TNIP1: variants seen among roughly 807,000 people sequenced by gnomAD.
TNIP1 encodes the protein TNFAIP3-interacting protein 1.
In TNIP1, 22 loss-of-function variants were observed where a neutral mutation model predicts 86.6. The observed-to-expected ratio is 0.25, with a 90% CI of 0.18 to 0.36. TNIP1 has a LOEUF of 0.36. Ranked by LOEUF, TNIP1 falls within the 10% of genes least tolerant of loss-of-function variation. The pLI, the probability that TNIP1 is intolerant of heterozygous loss-of-function variation, is 1.00. For missense variants in TNIP1, 709 were observed against 820.6 expected (o/e 0.86, Z 1.66); for synonymous variants, 294 against 313.0 (o/e 0.94, Z 0.64).
rs758513472 is a variant in TNIP1 at position 151,045,884 on chromosome 5, T to C, written c.913A>G (p.Met305Val). The stretch of plus-strand genomic sequence containing the variant: ...ACCTCACTGCGCTGCTGCTCCAGCA[T>C]CTTCACCTTCTTCTCGGCTGCGCCC... ...ALGAAEKKVK[M>V]LEQQRSELLE... The change falls in exon 9 of 18, where the codon ATG (methionine) becomes GTG (valine). Residue 305 changes from methionine (M) to valine (V), a missense_variant. Met to Val is a conservative substitution (Grantham distance 21, BLOSUM62 1). Transcript: ENST00000521591. 1 of 1,614,074 alleles carries C rather than the reference T, an allele frequency of 6.2e-7. No individual in the cohort carries two copies. The highest frequency in any genetic ancestry group is 8.5e-7 in the Non-Finnish European group (1 of 1,180,000).
intron 7 of TNIP1, among the ~76,000 whole-genome samples, chr5:151,051,620 C>T (rs1399656435): frequency 6.6e-6 from 1 of 152,202 alleles, no homozygotes; most frequent in East Asian, 1.9e-4. Context: ...GTGCCTACCT[C>T]GTTCATAATC....
rs375735779 is a variant in TNIP1 at position 151,032,388 on chromosome 5, G to A, written c.1780-5C>T. The stretch of plus-strand genomic sequence containing the variant: ...TAGACGCCAGGTGTATTCCGGCTGC[G>A]ACAAAACTGGTGCTTAATAATCAAT... On this transcript the variant is annotated splice_region_variant and splice_polypyrimidine_tract_variant and intron_variant, in intron 16 of 17. Transcript: ENST00000521591. 1.5e-5 allele frequency: 24 copies of A among 1,613,680 alleles called. No individual in the cohort carries two copies. The highest frequency in any genetic ancestry group is 4.0e-5 in the African/African-American group (3 of 74,908).
At chr5:151,069,707 G>C (rs376276685) in intron 1 of TNIP1, among the ~76,000 whole-genome samples, 5 of 152,310 alleles carry the variant, frequency 3.3e-5, no homozygotes, top group South Asian at 2.1e-4. Flanking sequence ...GCTGGCAGAG[G>C]GGGTATAGGG....
chr5:151,052,002 C>T (rs1259789335), intron 7 of TNIP1, among the ~76,000 whole-genome samples, 163 bp downstream of exon 7: 1 of 152,154 alleles, frequency 6.6e-6, no homozygotes, highest in Non-Finnish European at 1.5e-5. Flanking sequence ...AGAGAAAATA[C>T]CAAAAGAGCC....
intron 1 of TNIP1, among the ~76,000 whole-genome samples, chr5:151,071,116 C>G (rs546108722): frequency 2.8e-4 from 42 of 152,240 alleles, no homozygotes; most frequent in Admixed American, 1.8e-3. Flanking sequence ...AAAATAAGGT[C>G]TTTAATTTAA....
At chr5:151,085,635 C>T (rs1310006406), upstream of TNIP1, among the ~76,000 whole-genome samples, 1 of 152,206 alleles carries the variant, frequency 6.6e-6, no homozygotes, top group African/African-American at 2.4e-5. Context: ...CATACGTGGC[C>T]TAGCCAGGCC....
intron 8 of TNIP1, among the ~76,000 whole-genome samples, chr5:151,046,548 T>C (rs1243987629): frequency 1.3e-5 from 2 of 152,188 alleles, no homozygotes; most frequent in Non-Finnish European, 2.9e-5. Context: ...TCAGTTGGTT[T>C]CTAAATACCA....
chr5:151,044,179 G>A (rs924041920), intron 9 of TNIP1, among the ~76,000 whole-genome samples: 22 of 151,906 alleles, frequency 1.4e-4, no homozygotes, highest in African/African-American at 2.4e-4. Context: ...CCAAGTAGCC[G>A]AGACTACAGG....
At chr5:151,054,058 G>C (rs1760328582) in intron 6 of TNIP1, among the ~76,000 whole-genome samples, 1 of 152,194 alleles carries the variant, frequency 6.6e-6, no homozygotes, top group Non-Finnish European at 1.5e-5. Context: ...CAACAAAAGA[G>C]GTGTAGAAGG....
chr5:151,036,722 C>A, intron 13 of TNIP1, 68 bp downstream of exon 13: 1 of 1,610,494 alleles, frequency 6.2e-7, no homozygotes. Context: ...TCCAAGCCGT[C>A]TGGGCCCTCA....
intron 6 of TNIP1, among the ~76,000 whole-genome samples, chr5:151,053,218 T>TC (rs1290091930): frequency 5.5e-5 from 8 of 145,110 alleles, no homozygotes; most frequent in African/African-American, 2.0e-4. Context: ...CAAGAGATTC[T>TC]CCTGCCTCAG....
In TNIP1 at chr5:151,036,778, C is replaced by A. The variant is rs763305560; in HGVS notation, c.1395+12G>T. The A allele has an allele frequency of 1.9e-6, 3 of 1,613,912 alleles. No homozygotes were observed. Among genetic ancestry groups the A allele is most frequent in the Non-Finnish European group, 2.5e-6 (3 of 1,179,838 alleles). On this transcript the variant is annotated intron_variant, in intron 13 of 17. Coordinates refer to ENST00000521591, the MANE Select transcript of TNIP1 (RefSeq NM_006058.5). ...GAGCACCTCCCACCTGATTTCCTCC[C>A]GGAAGCCTCACCTGCTGTTTCAGCA...
In TNIP1 at chr5:151,056,829, G is replaced by A. The variant is rs370369969; in HGVS notation, c.564C>T (p.Ala188=). The A allele has an allele frequency of 4.4e-6, 7 of 1,596,186 alleles. No individual in the cohort carries two copies. The highest frequency in any genetic ancestry group is 1.4e-5 in the African/African-American group (1 of 73,830). Residue 188 remains alanine (A), a synonymous_variant, in exon 6 of 18, where the codon GCC becomes GCT. Coordinates refer to ENST00000521591, the MANE Select transcript of TNIP1 (RefSeq NM_006058.5). The part of the protein sequence containing the change: ...GQLFTHLGRM[A]LEFNRLASKV... ...TGGATGCCAGTCGGTTGAACTCCAG[G>A]GCCATGCGGCCCAGGTGGGTGAAGA...
At chr5:151,049,344 C>T (rs1162335401) in intron 8 of TNIP1, among the ~76,000 whole-genome samples, 3 of 152,278 alleles carry the variant, frequency 2.0e-5, no homozygotes, top group African/African-American at 7.2e-5. Flanking sequence ...ACCACACAGA[C>T]ACTAGCCAAC....
chr5:151,050,807 C>T (rs1759827096), intron 7 of TNIP1, among the ~76,000 whole-genome samples: 1 of 150,486 alleles, frequency 6.6e-6, no homozygotes, highest in Admixed American at 6.6e-5. Context: ...GCTGGGACTA[C>T]AGGCACACCA....
chr5:151,064,205 A>G (rs1761956190), intron 2 of TNIP1, among the ~76,000 whole-genome samples: 1 of 152,134 alleles, frequency 6.6e-6, no homozygotes, highest in African/African-American at 2.4e-5. Context: ...ACAAGTGGAG[A>G]TGGGGAAACC....
rs767471818 is a variant in TNIP1, at chr5:151,039,214, C to T, written c.1146G>A (p.Glu382=). The T allele has an allele frequency of 1.2e-5, 19 of 1,612,730 alleles. No homozygotes were observed. The highest frequency in any genetic ancestry group is 1.4e-5 in the Non-Finnish European group (17 of 1,179,798). The part of the protein sequence containing the change: ...SKIEMEETDK[E]QLTAEAKELR... ...GCTCCTTGGCCTCTGCTGTCAGCTG[C>T]TCCTTGTCGGTCTGCAGGGAATACA... Residue 382 remains glutamate (E), a synonymous_variant, in exon 12 of 18, where the codon GAG becomes GAA. Transcript: ENST00000521591.
intron 17 of TNIP1, among the ~76,000 whole-genome samples, chr5:151,031,326 G>A (rs1756860272): frequency 6.6e-6 from 1 of 152,178 alleles, no homozygotes; most frequent in Non-Finnish European, 1.5e-5. Context: ...TAGAAAGAAA[G>A]TTCCTCTTCA....
chr5:151,033,336 G>A (rs2113232361), intron 16 of TNIP1: 1 of 354,326 alleles, frequency 2.8e-6, no homozygotes, highest in East Asian at 4.3e-5. Context: ...GGCCTGGAGG[G>A]AGTCCTCCTT....
Sources: allele counts gnomAD v4.1 joint callset (sites outside exome capture counted in the v4.1 genomes callset), GRCh38; gene constraint gnomAD v4.1.1; transcripts MANE v1.5; gene names NCBI Gene and HGNC (gene_info 2026-07-23, HGNC 2026-07-21).